The following FHOD3 variants were observed in gnomAD, a reference collection of about 807,000 sequenced individuals.
The protein encoded by FHOD3 is formin homology 2 domain containing 3, also known as FH1/FH2 domain-containing protein 3.
A neutral mutation model predicts 173.0 loss-of-function variants in FHOD3; 90 were observed. That is an observed-to-expected ratio of 0.52 (90% CI 0.44 to 0.62). FHOD3 has a LOEUF of 0.62. FHOD3 is among the 20% of genes least tolerant of loss of function. The pLI is 0.00. For missense variants in FHOD3, 1,945 were observed against 2,034.7 expected (o/e 0.96, Z 0.85); for synonymous variants, 828 against 823.0 (o/e 1.01, Z -0.10).
At chr18:36,592,465 T>G (rs768192240) in intron 6 of FHOD3, among the ~76,000 whole-genome samples, 7 of 152,138 alleles carry the variant, frequency 4.6e-5, no homozygotes, top group Non-Finnish European at 1.0e-4. Flanking sequence ...TGAAGTGCAC[T>G]GGGCCGGAGA....
At chr18:36,687,740 C>T (rs1205520097) in intron 16 of FHOD3, among the ~76,000 whole-genome samples, 4 of 152,162 alleles carry the variant, frequency 2.6e-5, no homozygotes, top group Non-Finnish European at 5.9e-5. Context: ...TATATGGAAT[C>T]AGTAAATGAG....
intron 3 of FHOD3, among the ~76,000 whole-genome samples, chr18:36,407,721 T>C (rs1303159675): frequency 6.6e-6 from 1 of 152,210 alleles, no homozygotes; most frequent in Non-Finnish European, 1.5e-5. Context: ...CCATCCAATG[T>C]AGAGTAGGAT....
intron 3 of FHOD3, among the ~76,000 whole-genome samples, chr18:36,495,002 G>A (rs751707543): frequency 5.3e-5 from 8 of 152,264 alleles, no homozygotes; most frequent in Non-Finnish European, 1.2e-4. Context: ...GAGTACAGTG[G>A]CATGATCATG....
At chr18:36,405,981 T>C (rs2146769380) in intron 3 of FHOD3, among the ~76,000 whole-genome samples, 1 of 152,328 alleles carries the variant, frequency 6.6e-6, no homozygotes, top group Non-Finnish European at 1.5e-5. Context: ...AAGCACTTAG[T>C]AGGTTTTTGA....
In FHOD3 at chr18:36,718,347, G is replaced by C; in HGVS notation, c.3049G>C (p.Glu1017Gln). ...DVLDVDLGHR[E>Q]APGPPPPPPP... ...CCTAGATGTGGACCTGGGTCACAGG[G>C]AGGCCCCTGGGCCACCTCCCCCACC... is the stretch of plus-strand genomic sequence containing the variant. The change falls in exon 19 of 29, where the codon GAG becomes CAG. Residue 1017 changes from glutamate to glutamine, a missense_variant. Physicochemically the swap from Glu to Gln is conservative, Grantham distance 29. This residue lies in a region of FHOD3 where 1,099 missense variants were observed against 1,051.2 expected (regional missense o/e 1.05). Coordinates refer to ENST00000590592, the MANE Select transcript of FHOD3 (RefSeq NM_001281740.3). 6.2e-7 allele frequency: 1 copy of C among 1,612,760 alleles called. No homozygotes were observed.
intron 3 of FHOD3, among the ~76,000 whole-genome samples, chr18:36,426,942 A>G (rs554706414): frequency 6.6e-6 from 1 of 152,368 alleles, no homozygotes; most frequent in Non-Finnish European, 1.5e-5. Context: ...GTAAGCACAC[A>G]CAACCAGGGA....
At chr18:36,586,587 C>T (rs1025784486) in intron 6 of FHOD3, among the ~76,000 whole-genome samples, 10 of 151,866 alleles carry the variant, frequency 6.6e-5, no homozygotes, top group Non-Finnish European at 1.3e-4. Context: ...CTCCTGGCTT[C>T]AAGTGATTCT....
chr18:36,316,719 A>AT (rs149259705), intron 1 of FHOD3, among the ~76,000 whole-genome samples: 11,854 of 149,536 alleles, frequency 0.079, 1,392 homozygotes, highest in African/African-American at 0.26. Context: ...GGTGGGCTTC[A>AT]TTTTTTTTTT....
chr18:36,400,124 A>G (rs901378495), intron 3 of FHOD3, among the ~76,000 whole-genome samples: 4 of 152,216 alleles, frequency 2.6e-5, no homozygotes, highest in South Asian at 2.1e-4. Flanking sequence ...GATTCTCAAC[A>G]GTAGAGTTTA....
At chr18:36,636,192 G>C (rs891082646) in intron 10 of FHOD3, among the ~76,000 whole-genome samples, 2 of 152,120 alleles carry the variant, frequency 1.3e-5, no homozygotes, top group East Asian at 3.9e-4. Context: ...TCTAAGGCTC[G>C]ATTTTTGCTG....
chr18:36,512,378 G>T, intron 4 of FHOD3, 60 bp from the exon 5 acceptor site: 1 of 1,274,032 alleles, frequency 7.8e-7, no homozygotes. Flanking sequence ...TAGCAGCACA[G>T]CTGGGATGGA....
chr18:36,569,809 C>T (rs1041060117), intron 5 of FHOD3, among the ~76,000 whole-genome samples: 2 of 152,040 alleles, frequency 1.3e-5, no homozygotes, highest in African/African-American at 4.8e-5. Flanking sequence ...TAGAAATTAA[C>T]ACACTTCTAA....
intron 3 of FHOD3, among the ~76,000 whole-genome samples, chr18:36,497,614 G>GTA (rs1015911141): frequency 6.6e-6 from 1 of 152,076 alleles, no homozygotes; most frequent in African/African-American, 2.4e-5. Flanking sequence ...ATGAAGAGAG[G>GTA]TATTACATAG....
At chr18:36,347,289 A>G (rs73949446) in intron 1 of FHOD3, among the ~76,000 whole-genome samples, 2,014 of 152,374 alleles carry the variant, frequency 0.013, 56 homozygotes, top group African/African-American at 0.047. Context: ...CTATTTAATG[A>G]TAACAAAATA....
chr18:36,299,919 G>C (rs1033545063), intron 1 of FHOD3, among the ~76,000 whole-genome samples: 3 of 152,136 alleles, frequency 2.0e-5, no homozygotes, highest in African/African-American at 7.2e-5. Context: ...TATTGATGAG[G>C]GTTCTGTAAA....
rs184142314 is a variant in FHOD3, at chr18:36,470,047, G to A, written c.338-31885G>A. Among the ~76,000 whole-genome samples, 201 of 152,344 alleles carry A rather than the reference G, an allele frequency of 1.3e-3. 2 individuals carry two copies. In the Middle Eastern group the frequency reaches 0.037, roughly 28 times the overall value. On this transcript the variant is annotated intron_variant, in intron 3 of 28. Transcript: ENST00000590592. ...GGAAATTGGTTCATGGGGAAATTCT[G>A]TAGCAGAGAGCTGGCAGGAATTCCA...
chr18:36,364,707 T>C (rs1486887441), intron 2 of FHOD3, among the ~76,000 whole-genome samples: 1 of 152,146 alleles, frequency 6.6e-6, no homozygotes, highest in African/African-American at 2.4e-5. Context: ...CCAAACACAA[T>C]TGGATTCCCA....
chr18:36,706,429 A>G (rs2039883374), intron 17 of FHOD3, among the ~76,000 whole-genome samples: 1 of 152,190 alleles, frequency 6.6e-6, no homozygotes, highest in Non-Finnish European at 1.5e-5. Context: ...AGTGGTTGAA[A>G]TCACAAATTG....
chr18:36,653,458 T>G (rs1313647762), intron 13 of FHOD3, 42 bp downstream of exon 13: 2 of 1,355,342 alleles, frequency 1.5e-6, no homozygotes, highest in South Asian at 2.6e-5. Flanking sequence ...TAGCTTTCTG[T>G]TTTATATTCT....
Sources: gnomAD v4.1 joint callset for allele counts (sites outside exome capture counted in the v4.1 genomes callset) on GRCh38, gnomAD v4.1.1 for gene constraint, gnomAD v4.1.1 regional missense constraint, MANE v1.5 for transcripts, NCBI Gene and HGNC (gene_info 2026-07-23, HGNC 2026-07-21) for gene names.